KIF13B: variants seen among roughly 807,000 people sequenced by gnomAD.
The protein encoded by KIF13B is kinesin-like protein KIF13B.
A neutral mutation model predicts 222.0 loss-of-function variants in KIF13B; 127 were observed. The ratio of observed to expected loss-of-function variants is 0.57; its 90% CI spans 0.50 to 0.66. The LOEUF is 0.66. Ranked by LOEUF, KIF13B falls within the 30% of genes least tolerant of loss-of-function variation. The pLI, the probability that KIF13B is intolerant of heterozygous loss-of-function variation, is 0.00. For synonymous variants in KIF13B, 976 were observed against 919.0 expected (o/e 1.06, Z -1.12); for missense variants, 2,173 against 2,379.0 (o/e 0.91, Z 1.80).
At chr8:29,144,682 C>T (rs151136549) in intron 18 of KIF13B, among the ~76,000 whole-genome samples, 1 of 152,172 alleles carries the variant, frequency 6.6e-6, no homozygotes, top group African/African-American at 2.4e-5. Context: ...GGACCTGGGA[C>T]TATAATAGCA....
At chr8:29,103,096 GC>G (rs1316062778) in intron 35 of KIF13B, among the ~76,000 whole-genome samples, 3 of 152,080 alleles carry the variant, frequency 2.0e-5, no homozygotes, top group African/African-American at 7.2e-5. Context: ...CAAAAAATTA[GC>G]CAGGCACGGT....
intron 14 of KIF13B, among the ~76,000 whole-genome samples, chr8:29,153,912 C>T (rs1179242586): frequency 6.6e-6 from 1 of 152,184 alleles, no homozygotes; most frequent in Non-Finnish European, 1.5e-5. Flanking sequence ...AGCTATGGAG[C>T]ATTTACCTGG....
chr8:29,228,472 A>AAAAAAAATATAT lies in KIF13B; in HGVS notation c.149+16873_149+16874insATATATTTTTTT. Among the ~76,000 whole-genome samples, 288 of 117,082 alleles carry AAAAAAAATATAT rather than the reference A, an allele frequency of 2.5e-3. 12 individuals carry two copies. Among genetic ancestry groups the AAAAAAAATATAT allele is most frequent in the East Asian group, 2.3e-3 (11 of 4,810 alleles). The allele number at this position is 117,082 out of a possible 152,430, so 76.8% of individuals were successfully genotyped here. A position where few individuals can be genotyped will look rare whatever the true frequency, so the allele number is the denominator to read the frequency against. On this transcript the variant is annotated intron_variant, in intron 2 of 39. Coordinates refer to ENST00000524189, the MANE Select transcript of KIF13B (RefSeq NM_015254.4). Reference sequence around the variant, plus strand: ...ACAGAGCCAGACTCCATCTTAAAAAAATATATATATATATATATGAGATAC... The same window carrying AAAAAAAATATAT: ...ACAGAGCCAGACTCCATCTTAAAAAAAAAAAAATATATATATATATATATATATATGAGATAC...
chr8:29,105,970 A>G (rs1341570734), intron 35 of KIF13B, among the ~76,000 whole-genome samples: 1 of 152,302 alleles, frequency 6.6e-6, no homozygotes, highest in East Asian at 1.9e-4. Flanking sequence ...GAAGAAAAAC[A>G]GAAGAATTTT....
At chr8:29,250,917 A>G (rs757224094) in intron 1 of KIF13B, among the ~76,000 whole-genome samples, 1 of 152,192 alleles carries the variant, frequency 6.6e-6, no homozygotes, top group Non-Finnish European at 1.5e-5. Flanking sequence ...GCCACTGAAA[A>G]CTTCTTGCTG....
chr8:29,083,020 T>C (rs1245074120), intron 37 of KIF13B, among the ~76,000 whole-genome samples: 1 of 152,020 alleles, frequency 6.6e-6, no homozygotes, highest in Non-Finnish European at 1.5e-5. Flanking sequence ...TCTCAGCTAC[T>C]TGGGAGGCTG....
intron 1 of KIF13B, among the ~76,000 whole-genome samples, chr8:29,250,247 A>G (rs992345393): frequency 6.6e-6 from 1 of 152,202 alleles, no homozygotes; most frequent in Non-Finnish European, 1.5e-5. Flanking sequence ...GGCCTGAAAA[A>G]AATGGGTGGT....
intron 32 of KIF13B, among the ~76,000 whole-genome samples, chr8:29,112,554 G>A (rs1018807690): frequency 2.8e-4 from 43 of 152,172 alleles, no homozygotes; most frequent in African/African-American, 1.0e-3. Flanking sequence ...ACTGGTGCTG[G>A]TGTTGATGGC....
intron 6 of KIF13B, among the ~76,000 whole-genome samples, chr8:29,183,739 A>T (rs1425233632): frequency 6.6e-6 from 1 of 152,244 alleles, no homozygotes; most frequent in African/African-American, 2.4e-5. Flanking sequence ...TCACTAACAA[A>T]GTGAAGATTA....
In KIF13B at chr8:29,167,442, A is replaced by G. The variant is rs766502361; in HGVS notation, c.1089T>C (p.Pro363=). Residue 363 remains proline (P), a synonymous_variant, in exon 11 of 40, where the codon CCT becomes CCC. Transcript: ENST00000524189. ...IVNHAVVNED[P]NARIIRDLRE... ...GGAGATCCCGGATAATTCGGGCATTAGGGTCCTCATTCACCACAGCGTGGT... is the reference window on the plus strand; with the variant it reads ...GGAGATCCCGGATAATTCGGGCATTGGGGTCCTCATTCACCACAGCGTGGT... 13 of 1,613,822 alleles carry G rather than the reference A, an allele frequency of 8.1e-6. No individual in the cohort carries two copies. The highest frequency in any genetic ancestry group is 5.5e-5 in the South Asian group (5 of 91,074).
intron 2 of KIF13B, among the ~76,000 whole-genome samples, chr8:29,213,390 G>A (rs1023745990): frequency 1.3e-5 from 2 of 152,176 alleles, no homozygotes; most frequent in Non-Finnish European, 2.9e-5. Flanking sequence ...TTATAAATGA[G>A]GGAAGTGAGG....
chr8:29,108,152 A>G lies in KIF13B; in HGVS notation c.4202T>C (p.Leu1401Pro). The G allele has an allele frequency of 6.2e-7, 1 of 1,611,936 alleles. No homozygotes were observed. The highest frequency in any genetic ancestry group is 8.5e-7 in the Non-Finnish European group (1 of 1,178,946). ...SRQDLIPSYS[L>P]GSNKGRWESQ... ...TAAAACACCTACCTTGTTGCTGCCT[A>G]GACTGTATGATGGAATGAGATCTTG... The change falls in exon 35 of 40, where the codon CTA (leucine) becomes CCA (proline). Residue 1401 changes from leucine to proline, a missense_variant. Coordinates refer to ENST00000524189, the MANE Select transcript of KIF13B (RefSeq NM_015254.4).
Position 29,148,758 on chromosome 8 carries a change from C to A in KIF13B, c.1632G>T (p.Leu544Phe). The change falls in exon 16 of 40, where the codon TTG becomes TTT. Residue 544 changes from leucine (L) to phenylalanine (F), a missense_variant. By Grantham distance (22) the Leu-to-Phe change is conservative. Around this residue, in one of 2 missense-constraint regions of KIF13B, gnomAD observed 1,480 missense variants for 1,722.8 expected, o/e 0.86. Transcript: ENST00000524189. ...GTTCTGCTTTCTTTTTCTTTTTAGG[C>A]AAATTGAGTCTTGGTGGGAAAAAGA... ...WGNNHFFRLN[L>F]PKKKKKAERE... 6.3e-7 allele frequency: 1 copy of A among 1,590,586 alleles called. No homozygotes were observed. The highest frequency in any genetic ancestry group is 8.6e-7 in the Non-Finnish European group (1 of 1,169,098).
rs887232455 is a variant in KIF13B at position 29,123,305 on chromosome 8, G to A, written c.3479+61C>T. On this transcript the variant is annotated intron_variant, in intron 28 of 39. Transcript: ENST00000524189. ...TAACCGTAGCACACGCAAAATTCAA[G>A]CTAAAAGCAAGTGGCTTGGTGAGCG... 2.0e-5 allele frequency: 31 copies of A among 1,587,556 alleles called. No individual in the cohort carries two copies. The African/African-American group carries it at 2.4e-4, about 12-fold the overall frequency.
chr8:29,180,486 C>T (rs1467444215), intron 7 of KIF13B, among the ~76,000 whole-genome samples: 1 of 152,200 alleles, frequency 6.6e-6, no homozygotes, highest in Non-Finnish European at 1.5e-5. Context: ...TCAGAAGCTA[C>T]ACCTTTGGTC....
At chr8:29,192,946 G>A (rs1813252666) in intron 3 of KIF13B, among the ~76,000 whole-genome samples, 2 of 152,150 alleles carry the variant, frequency 1.3e-5, no homozygotes, top group African/African-American at 4.8e-5. Context: ...TGCAGGGAGA[G>A]CACAGGCTGC....
At chr8:29,235,504 T>C (rs1031701752) in intron 2 of KIF13B, among the ~76,000 whole-genome samples, 9 of 152,140 alleles carry the variant, frequency 5.9e-5, no homozygotes, top group African/African-American at 2.2e-4. Context: ...CAGGAGGCCT[T>C]TGAGAACGAG....
rs1352587020 is a variant in KIF13B, at chr8:29,146,488, C to T, written c.2077G>A (p.Ala693Thr). 1.9e-6 allele frequency: 3 copies of T among 1,613,756 alleles called. No homozygotes were observed. The highest frequency in any genetic ancestry group is 1.7e-5 in the Admixed American group (1 of 60,010). ...LMRLREQIVK[A>T]NLLVREANYI... Reference sequence around the variant, plus strand: ...TTAGCTTCTCTCACCAATAGATTGGCCTTAACAATTTGTTCCCTCAGCCTC... The same window carrying T: ...TTAGCTTCTCTCACCAATAGATTGGTCTTAACAATTTGTTCCCTCAGCCTC... The change falls in exon 18 of 40, where the codon GCC (alanine) becomes ACC (threonine). Residue 693 changes from alanine to threonine, a missense_variant. By Grantham distance (58) the Ala-to-Thr change is moderately conservative. Transcript: ENST00000524189.
At chr8:29,089,631 A>G (rs1316654729) in intron 37 of KIF13B, among the ~76,000 whole-genome samples, 1 of 152,024 alleles carries the variant, frequency 6.6e-6, no homozygotes, top group African/African-American at 2.4e-5. Context: ...TGGTGGCTCA[A>G]GCCTATAATC....
Sources: allele counts gnomAD v4.1 joint callset (sites outside exome capture counted in the v4.1 genomes callset), GRCh38; gene constraint gnomAD v4.1.1; regional missense constraint gnomAD v4.1.1; transcripts MANE v1.5; gene names NCBI Gene and HGNC (gene_info 2026-07-23, HGNC 2026-07-21).